The following KIAA0319 variants were observed in gnomAD, a reference collection of about 807,000 sequenced individuals.
The protein encoded by KIAA0319 is KIAA0319, also known as dyslexia-associated protein KIAA0319.
A neutral mutation model predicts 108.4 loss-of-function variants in KIAA0319; 83 were observed. That is an observed-to-expected ratio of 0.77 (90% CI 0.64 to 0.92). KIAA0319 has a LOEUF of 0.92. Among genes scored for constraint, KIAA0319 ranks in the 40% least tolerant of loss-of-function variants. The pLI is 0.00. For missense variants in KIAA0319, 1,195 were observed against 1,322.4 expected (o/e 0.90, Z 1.49); for synonymous variants, 484 against 510.4 (o/e 0.95, Z 0.70).
At chr6:24,614,446 TCAC>T (rs765079472) in intron 1 of KIAA0319, among the ~76,000 whole-genome samples, 1 of 152,192 alleles carries the variant, frequency 6.6e-6, no homozygotes, top group Non-Finnish European at 1.5e-5. Flanking sequence ...GGCTAGATTA[TCAC>T]CACAAGTGCA....
Position 24,641,489 on chromosome 6 carries a change from C to T in KIAA0319, c.-106+4247G>A, listed in dbSNP as rs140477429. ...TCTAGTAAAATGAAGTCAGAAATGT[C>T]TCTAAGTTTGGGAAAAGCAGTTGTA... is the stretch of plus-strand genomic sequence containing the variant. On this transcript the variant is annotated intron_variant, in intron 1 of 20. Transcript: ENST00000378214. Among the ~76,000 whole-genome samples, 40 of 152,280 alleles carry T rather than the reference C, an allele frequency of 2.6e-4. No individual in the cohort carries two copies. In the East Asian group the frequency reaches 7.1e-3, roughly 27 times the overall value.
At chr6:24,583,980 G>C (rs2127491660) in intron 4 of KIAA0319, among the ~76,000 whole-genome samples, 1 of 152,262 alleles carries the variant, frequency 6.6e-6, no homozygotes, top group South Asian at 2.1e-4. Context: ...GACAAGAGTT[G>C]CGTGAAACAG....
chr6:24,627,366 G>A (rs1774852228), intron 1 of KIAA0319, among the ~76,000 whole-genome samples: 1 of 152,156 alleles, frequency 6.6e-6, no homozygotes, highest in Non-Finnish European at 1.5e-5. Flanking sequence ...CAAAATTTCT[G>A]CTGAGGACTT....
Position 24,600,900 on chromosome 6 carries a change from A to G in KIAA0319, c.55+149T>C, listed in dbSNP as rs565465427. 8 of 1,040,454 alleles carry G rather than the reference A, an allele frequency of 7.7e-6. No homozygotes were observed. The African/African-American group carries it at 7.9e-5, about 10-fold the overall frequency. The allele number at this position is 1,040,454 out of a possible 1,614,324, so 64.5% of individuals were successfully genotyped here. ...CCTGTTTACGGAAAACCACTCATGC[A>G]TGAGGTCTGCCTTTCATGCTTTCAC... On this transcript the variant is annotated intron_variant, in intron 2 of 20. Coordinates refer to ENST00000378214, the MANE Select transcript of KIAA0319 (RefSeq NM_014809.4).
intron 1 of KIAA0319, among the ~76,000 whole-genome samples, chr6:24,616,149 T>C (rs963423100): frequency 1.2e-4 from 19 of 152,222 alleles, no homozygotes; most frequent in African/African-American, 4.1e-4. Flanking sequence ...CTTGGAAATA[T>C]TGCTTAAATA....
intron 19 of KIAA0319, among the ~76,000 whole-genome samples, chr6:24,551,953 A>T (rs1390808644): frequency 6.6e-6 from 1 of 152,200 alleles, no homozygotes; most frequent in Non-Finnish European, 1.5e-5. Flanking sequence ...TCAGAAAAAA[A>T]TAGCAAAAAT....
At chr6:24,585,763 C>T (rs1767380893) in intron 4 of KIAA0319, among the ~76,000 whole-genome samples, 2 of 152,136 alleles carry the variant, frequency 1.3e-5, no homozygotes, top group African/African-American at 4.8e-5. Context: ...CTCACACATA[C>T]TGATTGATGT....
chr6:24,645,344 A>C (rs562872618), intron 1 of KIAA0319, among the ~76,000 whole-genome samples: 215 of 152,352 alleles, frequency 1.4e-3, no homozygotes, highest in South Asian at 3.1e-3. Flanking sequence ...TTAATTTGTG[A>C]CATTCCTTGG....
rs1041232780 is a variant in KIAA0319 at position 24,599,501 on chromosome 6, C to T, written c.55+1548G>A. ...AGGAGCTGATGATCATCAAGCCAAC[C>T]CTGGACATCGAGATTGTCACCTACA... On this transcript the variant is annotated intron_variant, in intron 2 of 20. Coordinates refer to ENST00000378214, the MANE Select transcript of KIAA0319 (RefSeq NM_014809.4). The surrounding 1 kb of genome is among the most constrained non-coding windows in gnomAD (Gnocchi z 4.1). 2 of 567,368 alleles carry T rather than the reference C, an allele frequency of 3.5e-6. No homozygotes were observed. Among genetic ancestry groups the T allele is most frequent in the Admixed American group, 2.0e-5 (1 of 50,906 alleles). 35.1% of individuals were successfully genotyped at this position (567,368 alleles called of 1,614,324 possible).
At chr6:24,635,764 A>G (rs1218410580) in intron 1 of KIAA0319, among the ~76,000 whole-genome samples, 1 of 152,226 alleles carries the variant, frequency 6.6e-6, no homozygotes, top group Non-Finnish European at 1.5e-5. Context: ...TCCTCCCCAG[A>G]GCCTCCAGAG....
chr6:24,557,102 G>A (rs1005493786), intron 17 of KIAA0319, among the ~76,000 whole-genome samples: 9 of 152,168 alleles, frequency 5.9e-5, no homozygotes, highest in Admixed American at 1.3e-4. Context: ...CTACTCAGGG[G>A]GCTGAAGCAG....
At chr6:24,622,712 T>C (rs1193507625) in intron 1 of KIAA0319, among the ~76,000 whole-genome samples, 1 of 152,170 alleles carries the variant, frequency 6.6e-6, no homozygotes, top group African/African-American at 2.4e-5. Flanking sequence ...AGGCAGGTAC[T>C]ATTATTCTCC....
intron 1 of KIAA0319, among the ~76,000 whole-genome samples, chr6:24,624,966 G>A (rs953604346): frequency 6.6e-6 from 1 of 152,212 alleles, no homozygotes; most frequent in African/African-American, 2.4e-5. Context: ...TCAGGAGGCT[G>A]AGGGAGGAAG....
intron 7 of KIAA0319, 23 bp from the exon 8 acceptor site, chr6:24,579,973 G>A: frequency 1.9e-6 from 3 of 1,546,308 alleles, no homozygotes; most frequent in Non-Finnish European, 2.6e-6. Flanking sequence ...AAAGGACAGT[G>A]ACTGAGCCCA....
chr6:24,640,631 T>C (rs184054237), intron 1 of KIAA0319, among the ~76,000 whole-genome samples: 236 of 152,292 alleles, frequency 1.5e-3, no homozygotes, highest in African/African-American at 5.5e-3. Flanking sequence ...GTAAAATATA[T>C]ATAACATAAC....
At chr6:24,587,647 A>G (rs927570498) in intron 4 of KIAA0319, among the ~76,000 whole-genome samples, 2 of 148,454 alleles carry the variant, frequency 1.3e-5, no homozygotes, top group African/African-American at 5.0e-5. Context: ...AGTGCAGTGG[A>G]GCGATCTCAG....
intron 19 of KIAA0319, among the ~76,000 whole-genome samples, 176 bp from the exon 20 acceptor site, chr6:24,551,701 A>G (rs1054956842): frequency 3.3e-5 from 5 of 152,210 alleles, no homozygotes; most frequent in Admixed American, 1.3e-4. Flanking sequence ...GCCATTATGC[A>G]TCTTGGAGAA....
intron 1 of KIAA0319, among the ~76,000 whole-genome samples, chr6:24,640,457 G>A (rs1776772973): frequency 6.6e-6 from 1 of 152,078 alleles, no homozygotes; most frequent in African/African-American, 2.4e-5. Context: ...GTTCCATATG[G>A]GTGTAATGTA....
intron 9 of KIAA0319, 23 bp from the exon 10 acceptor site, chr6:24,576,619 T>C (rs1297514725): frequency 1.9e-6 from 3 of 1,589,628 alleles, no homozygotes; most frequent in Admixed American, 1.7e-5. Context: ...GAAGAAGCCG[T>C]AGTTGGAAGA....
Sources: allele counts gnomAD v4.1 joint callset (sites outside exome capture counted in the v4.1 genomes callset), GRCh38; gene constraint gnomAD v4.1.1; non-coding constraint Gnocchi (gnomAD v3.1); transcripts MANE v1.5; gene names NCBI Gene and HGNC (gene_info 2026-07-23, HGNC 2026-07-21).